The following CUEDC1 variants were observed in gnomAD, a reference collection of about 807,000 sequenced individuals.
The protein encoded by CUEDC1 is CUE domain-containing protein 1.
In CUEDC1, 30 loss-of-function variants were observed where a neutral mutation model predicts 43.7. That is an observed-to-expected ratio of 0.69 (90% CI 0.51 to 0.93). The LOEUF (loss-of-function observed/expected upper bound fraction) is 0.93, where lower values mean the gene tolerates loss of function less well. CUEDC1 is among the 40% of genes least tolerant of loss of function. CUEDC1 has a pLI of 0.00. For synonymous variants in CUEDC1, 223 were observed against 223.6 expected (o/e 1.00, Z 0.02); for missense variants, 486 against 549.0 (o/e 0.89, Z 1.15).
At chr17:57,882,389 G>A (rs1461042569) in intron 2 of CUEDC1, among the ~76,000 whole-genome samples, 2 of 152,052 alleles carry the variant, frequency 1.3e-5, no homozygotes, top group African/African-American at 4.8e-5. Context: ...AAACAGAAGT[G>A]CACACACAGC....
At chr17:57,906,053 C>T (rs904180112) in intron 1 of CUEDC1, among the ~76,000 whole-genome samples, 12 of 152,190 alleles carry the variant, frequency 7.9e-5, no homozygotes, top group Non-Finnish European at 4.4e-5. Flanking sequence ...GGTGGTTCCT[C>T]AAAGTTAAAC....
chr17:57,909,531 GT>G (rs1401924227), intron 1 of CUEDC1, among the ~76,000 whole-genome samples: 2 of 152,202 alleles, frequency 1.3e-5, no homozygotes, highest in Non-Finnish European at 2.9e-5. Context: ...CAGAGCTGGG[GT>G]GAGCTCTGTG....
intron 1 of CUEDC1, among the ~76,000 whole-genome samples, chr17:57,949,729 C>G (rs976456084): frequency 6.6e-6 from 1 of 151,918 alleles, no homozygotes; most frequent in Non-Finnish European, 1.5e-5. Flanking sequence ...CATGCCACCA[C>G]GCCTAGCTAA....
chr17:57,905,751 G>A (rs987793927), intron 1 of CUEDC1, among the ~76,000 whole-genome samples: 3 of 152,140 alleles, frequency 2.0e-5, no homozygotes, highest in African/African-American at 7.2e-5. Flanking sequence ...TACCATTTTT[G>A]TTCAAATGTC....
intron 3 of CUEDC1, among the ~76,000 whole-genome samples, chr17:57,877,777 C>T (rs577237296): frequency 5.8e-4 from 87 of 149,930 alleles, no homozygotes; most frequent in Admixed American, 8.7e-4. Context: ...CCCAGCTACT[C>T]GGGAGGCTGA....
intron 2 of CUEDC1, among the ~76,000 whole-genome samples, chr17:57,882,813 A>G (rs2074231648): frequency 6.6e-6 from 1 of 152,130 alleles, no homozygotes; most frequent in Non-Finnish European, 1.5e-5. Flanking sequence ...AGCTTACTTT[A>G]TTGTAGGAAT....
chr17:57,874,567 C>T (rs1000200806), intron 3 of CUEDC1, among the ~76,000 whole-genome samples: 2 of 152,208 alleles, frequency 1.3e-5, no homozygotes, highest in Admixed American at 6.5e-5. Context: ...CCCGCCCTAC[C>T]GCCCTGGGCC....
At chr17:57,869,343 C>A in intron 6 of CUEDC1, 150 bp from the exon 7 acceptor site, 2 of 670,668 alleles carry the variant, frequency 3.0e-6, no homozygotes, top group Non-Finnish European at 5.2e-6. Flanking sequence ...ATGTGGAGTT[C>A]CAGGAGCTCC....
At chr17:57,902,588 A>G (rs2074484661) in intron 1 of CUEDC1, among the ~76,000 whole-genome samples, 2 of 152,256 alleles carry the variant, frequency 1.3e-5, no homozygotes, top group South Asian at 4.1e-4. Context: ...CACAGGGGAA[A>G]CATCTGTGAA....
intron 1 of CUEDC1, among the ~76,000 whole-genome samples, chr17:57,888,333 T>C (rs1208108439): frequency 6.6e-6 from 1 of 152,256 alleles, no homozygotes; most frequent in Non-Finnish European, 1.5e-5. Flanking sequence ...TCAGAATACG[T>C]AGGGCTACGC....
intron 10 of CUEDC1, among the ~76,000 whole-genome samples, chr17:57,865,613 C>T (rs895625631): frequency 3.3e-5 from 5 of 152,100 alleles, no homozygotes; most frequent in African/African-American, 9.7e-5. Context: ...TGGAGGAGGC[C>T]TTGGTATTTT....
Position 57,905,254 on chromosome 17 carries a change from A to ACACACACACACG in CUEDC1, c.-315-19376_-315-19375insCGTGTGTGTGTG, listed in dbSNP as rs1173789675. ...CAGCTTCTCTCTCTCTCTCTGACAC[A>ACACACACACACG]CACACACACACACACACACACACAC... On this transcript the variant is annotated intron_variant, in intron 1 of 10. Transcript: ENST00000577830. Among the ~76,000 whole-genome samples, 7 of 129,910 alleles carry ACACACACACACG rather than the reference A, an allele frequency of 5.4e-5. No individual in the cohort carries two copies. The East Asian group carries it at 8.3e-4, about 15-fold the overall frequency. 85.2% of individuals were successfully genotyped at this position (129,910 alleles called of 152,430 possible).
chr17:57,900,351 C>T (rs1235620111), intron 1 of CUEDC1, among the ~76,000 whole-genome samples: 3 of 152,188 alleles, frequency 2.0e-5, no homozygotes, highest in Non-Finnish European at 4.4e-5. Flanking sequence ...TAGGCACAAA[C>T]CAGGATGAGC....
At chr17:57,918,957 G>T (rs1255358930) in intron 1 of CUEDC1, among the ~76,000 whole-genome samples, 1 of 151,682 alleles carries the variant, frequency 6.6e-6, no homozygotes, top group African/African-American at 2.4e-5. Context: ...GGGATGAAGC[G>T]ATGCTTCTGC....
chr17:57,942,416 T>A lies in CUEDC1; in HGVS notation c.-316+12809A>T, dbSNP rs917009396. Among the ~76,000 whole-genome samples the A allele has an allele frequency of 2.0e-5, 3 of 151,940 alleles. No homozygotes were observed. In the East Asian group the frequency reaches 5.8e-4, roughly 30 times the overall value. The stretch of plus-strand genomic sequence containing the variant: ...GTTTGATTTGTTTTTTGAGACAGAG[T>A]CTCGCTCTGTCGCCCAGGCTGGAGT... On this transcript the variant is annotated intron_variant, in intron 1 of 10. Transcript: ENST00000577830.
At chr17:57,907,135 A>G (rs1447541270) in intron 1 of CUEDC1, among the ~76,000 whole-genome samples, 3 of 151,784 alleles carry the variant, frequency 2.0e-5, no homozygotes, top group Admixed American at 2.0e-4. Context: ...AGACAATGAC[A>G]CCCCTGTTGA....
chr17:57,924,449 G>A (rs2074727224), intron 1 of CUEDC1, among the ~76,000 whole-genome samples: 1 of 151,784 alleles, frequency 6.6e-6, no homozygotes, highest in Non-Finnish European at 1.5e-5. Flanking sequence ...TAATCTCTGC[G>A]ACTCATTTTA....
intron 3 of CUEDC1, among the ~76,000 whole-genome samples, chr17:57,875,255 G>A (rs114147714): frequency 1.3e-5 from 2 of 152,154 alleles, no homozygotes; most frequent in Non-Finnish European, 1.5e-5. Flanking sequence ...TGGGACATGG[G>A]TGCCCACCCC....
chr17:57,868,787 G>C (rs2073996242), intron 7 of CUEDC1, among the ~76,000 whole-genome samples: 1 of 152,182 alleles, frequency 6.6e-6, no homozygotes, highest in Non-Finnish European at 1.5e-5. Flanking sequence ...CCCCCACAGA[G>C]GCTTAGCAAG....
Sources: allele counts gnomAD v4.1 joint callset (sites outside exome capture counted in the v4.1 genomes callset), GRCh38; gene constraint gnomAD v4.1.1; transcripts MANE v1.5; gene names NCBI Gene and HGNC (gene_info 2026-07-23, HGNC 2026-07-21).